The following NTNG2 variants were observed in gnomAD, a reference collection of about 807,000 sequenced individuals.
NTNG2 encodes netrin-G2.
NTNG2 carries 15 observed loss-of-function variants against 47.6 expected under a neutral mutation model. That is an observed-to-expected ratio of 0.32 (90% CI 0.21 to 0.49). The LOEUF (loss-of-function observed/expected upper bound fraction) is 0.49, where lower values mean the gene tolerates loss of function less well. Ranked by LOEUF, NTNG2 falls within the 20% of genes least tolerant of loss-of-function variation. The pLI, the probability that NTNG2 is intolerant of heterozygous loss-of-function variation, is 0.99. For synonymous variants in NTNG2, 307 were observed against 324.6 expected, an observed-to-expected ratio of 0.95 and a Z score of 0.58; for missense variants, 578 against 764.6, an observed-to-expected ratio of 0.76 and a Z score of 2.88.
intron 2 of NTNG2, among the ~76,000 whole-genome samples, chr9:132,172,188 G>T (rs1205597285): frequency 1.3e-5 from 2 of 152,092 alleles, no homozygotes. Context: ...CAAGGCTTCC[G>T]CTTCTACCTG....
At chr9:132,234,785 C>A (rs1047315388) in intron 5 of NTNG2, among the ~76,000 whole-genome samples, 18 of 152,224 alleles carry the variant, frequency 1.2e-4, no homozygotes, top group African/African-American at 4.3e-4. Flanking sequence ...TTGGGCCTGG[C>A]GGCCTCATCT....
At chr9:132,228,395 C>A (rs978162516) in intron 4 of NTNG2, among the ~76,000 whole-genome samples, 17 of 152,210 alleles carry the variant, frequency 1.1e-4, no homozygotes, top group African/African-American at 4.1e-4. Flanking sequence ...CTCCTCCCAG[C>A]TTCCTGTCCC....
chr9:132,207,488 C>T (rs372963942), intron 3 of NTNG2, among the ~76,000 whole-genome samples: 20 of 152,218 alleles, frequency 1.3e-4, no homozygotes, highest in African/African-American at 4.3e-4. Flanking sequence ...GCTGTCTCCC[C>T]GTGTCTCTTC....
intron 4 of NTNG2, among the ~76,000 whole-genome samples, chr9:132,227,912 T>TAAAA (rs1193892554): frequency 2.0e-5 from 3 of 152,222 alleles, no homozygotes; most frequent in African/African-American, 7.2e-5. Context: ...ACTGCCACTT[T>TAAAA]ACGGCCGTTC....
intron 7 of NTNG2, chr9:132,241,633 A>T: frequency 2.0e-6 from 1 of 509,216 alleles, no homozygotes; most frequent in Admixed American, 3.8e-5. Flanking sequence ...CGTCTGAAGA[A>T]CAGCACCGAG....
At chr9:132,227,444 C>T (rs1176846419) in intron 4 of NTNG2, among the ~76,000 whole-genome samples, 1 of 152,188 alleles carries the variant, frequency 6.6e-6, no homozygotes, top group Non-Finnish European at 1.5e-5. Flanking sequence ...CAGGTGGCCC[C>T]CATGGGATGG....
chr9:132,165,284 G>GTATCTATTTTGATATAATATATTAATTA (rs1835432004), intron 1 of NTNG2, among the ~76,000 whole-genome samples: 16 of 152,030 alleles, frequency 1.1e-4, no homozygotes, highest in Admixed American at 1.0e-3. Flanking sequence ...CATGTAACTG[G>GTATCTATTTTGATATAATATATTAATTA]TATCTATTTT....
rs1261267659 is a variant in NTNG2 at position 132,162,293 on chromosome 9, G to A, written c.-484+54G>A. On this transcript the variant is annotated intron_variant, in intron 1 of 7. Transcript: ENST00000393229. This position sits in a 1 kb window ranked among gnomAD's most constrained non-coding sequence, Gnocchi z 4.6. ...CGGGCGGGGGGAGAGGCTGCAGCTT[G>A]GCCAGGCCGGTTTCATTTTTAAAGG... 2.6e-5 allele frequency: 4 copies of A among 152,168 alleles called. No homozygotes were observed. The South Asian group carries it at 8.3e-4, about 31-fold the overall frequency. The allele number at this position is 152,168 out of a possible 1,614,324, so 9.4% of individuals were successfully genotyped here. A position where few individuals can be genotyped will look rare whatever the true frequency, so the allele number is the denominator to read the frequency against.
intron 5 of NTNG2, 75 bp downstream of exon 5, chr9:132,230,670 A>G: frequency 6.7e-7 from 1 of 1,489,386 alleles, no homozygotes; most frequent in Non-Finnish European, 9.2e-7. Flanking sequence ...AAAAAGCTGG[A>G]GAGAAAAAAG....
chr9:132,209,748 G>A (rs1326491781), intron 3 of NTNG2, among the ~76,000 whole-genome samples: 1 of 152,062 alleles, frequency 6.6e-6, no homozygotes, highest in East Asian at 1.9e-4. Context: ...AAAAGAGGGG[G>A]TGTAGGCAAG....
Position 132,208,103 on chromosome 9 carries a change from C to T in NTNG2, c.857+9494C>T, listed in dbSNP as rs926575208. Among the ~76,000 whole-genome samples the T allele has an allele frequency of 1.1e-4, 17 of 152,014 alleles. No homozygotes were observed. Among genetic ancestry groups the T allele is most frequent in the Admixed American group, 6.5e-4 (10 of 15,274 alleles). On this transcript the variant is annotated intron_variant, in intron 3 of 7. Transcript: ENST00000393229. The surrounding 1 kb of genome is among the most constrained non-coding windows in gnomAD (Gnocchi z 4.0). ...TGGGCAACAGAGCGAGACCCTATCTCAAAACCCAGGGCAATATGGGAGTGG... is the reference window on the plus strand; with the variant it reads ...TGGGCAACAGAGCGAGACCCTATCTTAAAACCCAGGGCAATATGGGAGTGG...
intron 3 of NTNG2, among the ~76,000 whole-genome samples, chr9:132,222,084 GCAGA>G (rs1236847736): frequency 6.6e-6 from 1 of 152,200 alleles, no homozygotes; most frequent in Non-Finnish European, 1.5e-5. Flanking sequence ...GTCAGATTTT[GCAGA>G]CAAACTCTTG....
chr9:132,166,580 A>G lies in NTNG2; in HGVS notation c.-252A>G. On this transcript the variant is annotated 5_prime_UTR_variant, in exon 2 of 8. Transcript: ENST00000393229. ...GTGATACCAGGGTTAGGAGGACGTG[A>G]AGTTATGGGCAACTTTCTGATCTGT... 1.9e-6 allele frequency: 1 copy of G among 538,510 alleles called. No homozygotes were observed. Among genetic ancestry groups the G allele is most frequent in the Non-Finnish European group, 3.4e-6 (1 of 297,214 alleles). The allele number at this position is 538,510 out of a possible 1,614,324, so 33.4% of individuals were successfully genotyped here.
At chr9:132,211,451 G>T (rs1292905409) in intron 3 of NTNG2, among the ~76,000 whole-genome samples, 1 of 152,070 alleles carries the variant, frequency 6.6e-6, no homozygotes, top group Non-Finnish European at 1.5e-5. Flanking sequence ...ATCTCTAGTG[G>T]TCTTCTACTG....
At chr9:132,223,891 C>T (rs951819311) in intron 3 of NTNG2, among the ~76,000 whole-genome samples, 25 of 151,964 alleles carry the variant, frequency 1.6e-4, no homozygotes, top group African/African-American at 5.3e-4. Context: ...ATCCCGCCTC[C>T]GTCTCCTGGT....
At chr9:132,230,720 C>G in intron 5 of NTNG2, 125 bp downstream of exon 5, 1 of 950,506 alleles carries the variant, frequency 1.1e-6, no homozygotes, top group Non-Finnish European at 1.6e-6. Flanking sequence ...CCTATTCACT[C>G]CCTCCTCTAA....
At chr9:132,185,010 G>A (rs879335379) in intron 2 of NTNG2, among the ~76,000 whole-genome samples, 1 of 152,118 alleles carries the variant, frequency 6.6e-6, no homozygotes, top group Non-Finnish European at 1.5e-5. Context: ...AGGGGAAGGC[G>A]CTGGGGCTCT....
In NTNG2 at chr9:132,182,766, C is replaced by T. The variant is rs1231111282; in HGVS notation, c.214-15200C>T. ...GTCTTCTCGAAGGCCTCAAGCCCAGCGGGCAGCTATGACCCCACCAGGAGC... is the reference window on the plus strand; with the variant it reads ...GTCTTCTCGAAGGCCTCAAGCCCAGTGGGCAGCTATGACCCCACCAGGAGC... On this transcript the variant is annotated intron_variant, in intron 2 of 7. Transcript: ENST00000393229. The surrounding 1 kb of genome is among the most constrained non-coding windows in gnomAD (Gnocchi z 4.2). 2.0e-5 allele frequency among the ~76,000 whole-genome samples: 3 copies of T among 152,310 alleles called. No individual in the cohort carries two copies. The highest frequency in any genetic ancestry group is 7.2e-5 in the African/African-American group (3 of 41,566).
chr9:132,187,568 CAAGA>C (rs776687231), intron 2 of NTNG2, among the ~76,000 whole-genome samples: 1 of 73,160 alleles, frequency 1.4e-5, no homozygotes, highest in Non-Finnish European at 2.4e-5. Flanking sequence ...CGAGAGGGAG[CAAGA>C]GAGAGAGAGA....
Sources: gnomAD v4.1 joint callset for allele counts (sites outside exome capture counted in the v4.1 genomes callset) on GRCh38, gnomAD v4.1.1 for gene constraint, Gnocchi (gnomAD v3.1) non-coding constraint, MANE v1.5 for transcripts, NCBI Gene and HGNC (gene_info 2026-07-23, HGNC 2026-07-21) for gene names.